ANO4: variants seen among roughly 807,000 people sequenced by gnomAD.
ANO4 encodes the protein anoctamin-4.
ANO4 carries 69 observed loss-of-function variants against 141.9 expected under a neutral mutation model. The observed-to-expected ratio is 0.49, with a 90% CI of 0.40 to 0.59. The LOEUF (loss-of-function observed/expected upper bound fraction) is 0.59, where lower values mean the gene tolerates loss of function less well. Among genes scored for constraint, ANO4 ranks in the 20% least tolerant of loss-of-function variants. ANO4 has a pLI of 0.00. For synonymous variants in ANO4, 350 were observed against 394.3 expected (o/e 0.89, Z 1.33); for missense variants, 894 against 1,162.2 (o/e 0.77, Z 3.36).
chr12:100,783,042 G>A (rs1435999746), intron 3 of ANO4, among the ~76,000 whole-genome samples: 1 of 152,148 alleles, frequency 6.6e-6, no homozygotes, highest in African/African-American at 2.4e-5. Flanking sequence ...TCCGAGGTTG[G>A]AGGCTTCTTC....
At chr12:100,734,602 T>C (rs1451951637) in intron 2 of ANO4, among the ~76,000 whole-genome samples, 2 of 152,250 alleles carry the variant, frequency 1.3e-5, no homozygotes, top group African/African-American at 2.4e-5. Context: ...GTTACTGTTA[T>C]TTCTCCATTT....
At chr12:100,790,291 C>T (rs2034002990), upstream of ANO4, among the ~76,000 whole-genome samples, 1 of 152,124 alleles carries the variant, frequency 6.6e-6, no homozygotes, top group Non-Finnish European at 1.5e-5. Context: ...GCCTGATCAT[C>T]CCAGACCTGT....
intron 3 of ANO4, among the ~76,000 whole-genome samples, chr12:100,748,229 A>T (rs2032200776): frequency 6.6e-6 from 1 of 152,206 alleles, no homozygotes; most frequent in Non-Finnish European, 1.5e-5. Context: ...CTTATAACAA[A>T]TTGTGACCAG....
intron 14 of ANO4, among the ~76,000 whole-genome samples, chr12:101,054,777 G>T (rs527434582): frequency 1.3e-5 from 2 of 151,948 alleles, no homozygotes; most frequent in East Asian, 3.9e-4. Flanking sequence ...GGGAGCCACC[G>T]TGCCCGGCCT....
chr12:101,125,395 G>A (rs1316018381), intron 26 of ANO4, among the ~76,000 whole-genome samples: 1 of 152,024 alleles, frequency 6.6e-6, no homozygotes. Flanking sequence ...CTAGACACGG[G>A]ATCAGGTCAT....
Position 100,971,316 on chromosome 12 carries a change from T to C in ANO4, c.467T>C (p.Ile156Thr). ...GLQMEKESSL[I>T]NSDIIFVKLH... ...TTTTTTCTGTTTCAGTCCTCTCTAA[T>C]AAATAGTGACATTATCTTTGTGAAG... The change falls in exon 6 of 28, where the codon ATA (isoleucine) becomes ACA (threonine). Residue 156 changes from isoleucine to threonine, a missense_variant. Ile to Thr is a moderately conservative substitution (Grantham distance 89). Transcript: ENST00000392977. The C allele has an allele frequency of 6.2e-7, 1 of 1,608,494 alleles. No individual in the cohort carries two copies. Among genetic ancestry groups the C allele is most frequent in the Non-Finnish European group, 8.5e-7 (1 of 1,175,388 alleles).
intron 6 of ANO4, among the ~76,000 whole-genome samples, chr12:100,972,749 C>A (rs1275531465): frequency 6.6e-6 from 1 of 151,976 alleles, no homozygotes; most frequent in Non-Finnish European, 1.5e-5. Flanking sequence ...AAAGAAAACC[C>A]TACAAAATAT....
intron 1 of ANO4, among the ~76,000 whole-genome samples, chr12:100,875,351 G>A (rs1236739944): frequency 1.3e-5 from 2 of 152,124 alleles, no homozygotes; most frequent in African/African-American, 4.8e-5. Context: ...AAGGGTAGGT[G>A]ATTTCACGCA....
At chr12:100,798,271 A>C (rs1211664176) in intron 1 of ANO4, among the ~76,000 whole-genome samples, 1 of 152,164 alleles carries the variant, frequency 6.6e-6, no homozygotes, top group Non-Finnish European at 1.5e-5. Flanking sequence ...TGCTTTTCCC[A>C]ATATTATTTA....
intron 1 of ANO4, among the ~76,000 whole-genome samples, chr12:100,874,332 T>TACC (rs1417477051): frequency 6.6e-6 from 1 of 152,154 alleles, no homozygotes; most frequent in African/African-American, 2.4e-5. Context: ...TGGCAACTTG[T>TACC]ACCATGTGCC....
intron 17 of ANO4, among the ~76,000 whole-genome samples, chr12:101,089,077 AG>A (rs1055388316): frequency 6.6e-5 from 10 of 152,144 alleles, no homozygotes; most frequent in African/African-American, 2.2e-4. Flanking sequence ...CTTTGAAAAA[AG>A]ATTTTCCAAA....
intron 14 of ANO4, among the ~76,000 whole-genome samples, chr12:101,066,188 C>G (rs1452058381): frequency 6.6e-6 from 1 of 152,186 alleles, no homozygotes; most frequent in Non-Finnish European, 1.5e-5. Context: ...AACACTTCCT[C>G]TAAAATCTGG....
intron 8 of ANO4, among the ~76,000 whole-genome samples, chr12:100,993,876 G>A (rs2045253359): frequency 6.6e-6 from 1 of 152,208 alleles, no homozygotes. Flanking sequence ...CTGTCTGAGT[G>A]ATAGAGCAGG....
At chr12:100,992,776 T>A (rs570360832) in intron 8 of ANO4, among the ~76,000 whole-genome samples, 1 of 152,352 alleles carries the variant, frequency 6.6e-6, no homozygotes, top group East Asian at 1.9e-4. Context: ...TGGCACACAA[T>A]GCTGGTCTTC....
rs760040284 is a variant in ANO4 at position 101,086,830 on chromosome 12, T to C, written c.1701+6T>C. The C allele has an allele frequency of 6.2e-6, 10 of 1,611,500 alleles. No homozygotes were observed. The highest frequency in any genetic ancestry group is 4.0e-5 in the African/African-American group (3 of 74,860). Reference sequence around the variant, plus strand: ...TCATTATGTTGCTGAATGTGGTAAGTGAGCTGCAGTGGCTAGCCAAACGGA... The same window carrying C: ...TCATTATGTTGCTGAATGTGGTAAGCGAGCTGCAGTGGCTAGCCAAACGGA... On this transcript the variant is annotated splice_donor_region_variant and intron_variant, in intron 17 of 27. Transcript: ENST00000392977.
intron 11 of ANO4, among the ~76,000 whole-genome samples, chr12:101,040,995 T>G (rs563652825): frequency 2.6e-4 from 39 of 152,132 alleles, no homozygotes; most frequent in African/African-American, 4.6e-4. Context: ...ATGTGTGTGT[T>G]TTTTTTTAAC....
intron 8 of ANO4, among the ~76,000 whole-genome samples, chr12:101,010,010 G>T (rs181932913): frequency 2.0e-5 from 3 of 151,996 alleles, no homozygotes; most frequent in African/African-American, 4.8e-5. Flanking sequence ...CTGGGATTTC[G>T]TAGTATAAAT....
At chr12:100,754,013 C>T (rs538244374) in intron 3 of ANO4, among the ~76,000 whole-genome samples, 1 of 152,294 alleles carries the variant, frequency 6.6e-6, no homozygotes, top group Admixed American at 6.5e-5. Flanking sequence ...TCCCTCAGTT[C>T]TTTTGCTCTT....
At chr12:100,934,936 G>C (rs896532795) in intron 3 of ANO4, among the ~76,000 whole-genome samples, 1 of 152,184 alleles carries the variant, frequency 6.6e-6, no homozygotes, top group East Asian at 1.9e-4. Flanking sequence ...TTTGCACATT[G>C]ATTTTGTATC....
Sources: gnomAD v4.1 joint callset for allele counts (sites outside exome capture counted in the v4.1 genomes callset) on GRCh38, gnomAD v4.1.1 for gene constraint, MANE v1.5 for transcripts, NCBI Gene and HGNC (gene_info 2026-07-23, HGNC 2026-07-21) for gene names.